The following SDK1 variants were observed in gnomAD, a reference collection of about 807,000 sequenced individuals.
SDK1 encodes the protein protein sidekick-1.
A neutral mutation model predicts 245.5 loss-of-function variants in SDK1; 157 were observed. The observed-to-expected ratio is 0.64, with a 90% CI of 0.56 to 0.73. SDK1 has a LOEUF of 0.73. SDK1 is among the 30% of genes least tolerant of loss of function. The pLI is 0.00. For synonymous variants in SDK1, 1,647 were observed against 1,278.5 expected (o/e 1.29, Z -6.15); for missense variants, 3,583 against 3,002.3 (o/e 1.19, Z -4.52).
chr7:3,443,014 G>A (rs1353321687), intron 1 of SDK1, among the ~76,000 whole-genome samples: 4 of 150,882 alleles, frequency 2.7e-5, no homozygotes, highest in Non-Finnish European at 4.4e-5. Context: ...TACTTATAAA[G>A]CAACACAATA....
chr7:3,556,805 T>C (rs1206038740), intron 1 of SDK1, among the ~76,000 whole-genome samples: 4 of 151,848 alleles, frequency 2.6e-5, no homozygotes, highest in Admixed American at 6.6e-5. Flanking sequence ...AATAAATAAA[T>C]AAAAATAAAA....
At chr7:3,698,785 T>C (rs919947552) in intron 4 of SDK1, among the ~76,000 whole-genome samples, 1 of 152,210 alleles carries the variant, frequency 6.6e-6, no homozygotes, top group Non-Finnish European at 1.5e-5. Flanking sequence ...TCTCTTCTTA[T>C]AAGGGAACCA....
chr7:4,047,583 C>CTG (rs1457010703), intron 17 of SDK1, among the ~76,000 whole-genome samples: 1 of 152,228 alleles, frequency 6.6e-6, no homozygotes, highest in African/African-American at 2.4e-5. Context: ...CCTCTGGATG[C>CTG]TGTGTGTCTG....
At chr7:3,568,411 G>A (rs532370970) in intron 1 of SDK1, among the ~76,000 whole-genome samples, 2 of 151,856 alleles carry the variant, frequency 1.3e-5, no homozygotes, top group African/African-American at 4.8e-5. Context: ...TTATATTGTG[G>A]TATATGTATA....
chr7:3,520,141 T>C (rs1782886503), intron 1 of SDK1, among the ~76,000 whole-genome samples: 1 of 152,210 alleles, frequency 6.6e-6, no homozygotes, highest in African/African-American at 2.4e-5. Flanking sequence ...TACCAGAATC[T>C]TCTCTGGAGC....
chr7:3,405,938 G>C (rs1053431294), intron 1 of SDK1, among the ~76,000 whole-genome samples: 5 of 150,616 alleles, frequency 3.3e-5, no homozygotes, highest in African/African-American at 1.2e-4. Context: ...TCAGCCTCCT[G>C]AGTAGGTGGG....
chr7:4,063,850 G>T (rs949648998), intron 19 of SDK1, among the ~76,000 whole-genome samples: 2 of 151,966 alleles, frequency 1.3e-5, no homozygotes, highest in Non-Finnish European at 2.9e-5. Flanking sequence ...TTCGATAAAG[G>T]TGGCAGGATA....
chr7:3,362,154 T>C (rs957692011), intron 1 of SDK1, among the ~76,000 whole-genome samples: 1 of 152,208 alleles, frequency 6.6e-6, no homozygotes, highest in Non-Finnish European at 1.5e-5. Context: ...TAACTCTTAC[T>C]GTAGAATCTA....
chr7:3,654,113 T>C (rs1783087621), intron 4 of SDK1, among the ~76,000 whole-genome samples: 2 of 152,162 alleles, frequency 1.3e-5, no homozygotes, highest in Admixed American at 1.3e-4. Context: ...GACCCTGGTG[T>C]AGAGAATATG....
At chr7:3,546,936 G>C (rs2128622003) in intron 1 of SDK1, among the ~76,000 whole-genome samples, 1 of 152,272 alleles carries the variant, frequency 6.6e-6, no homozygotes, top group African/African-American at 2.4e-5. Context: ...GTATCAGAAA[G>C]ATCTATGAAG....
chr7:4,068,071 C>A, intron 20 of SDK1, 135 bp downstream of exon 20: 2 of 647,622 alleles, frequency 3.1e-6, no homozygotes, highest in Non-Finnish European at 2.7e-6. Flanking sequence ...GAAAAGTCTT[C>A]CTGGCCGTGT....
At chr7:3,816,977 T>G (rs1183950288) in intron 4 of SDK1, among the ~76,000 whole-genome samples, 1 of 152,190 alleles carries the variant, frequency 6.6e-6, no homozygotes, top group Non-Finnish European at 1.5e-5. Context: ...TTCGTAGTGG[T>G]AAAACTATAG....
intron 14 of SDK1, among the ~76,000 whole-genome samples, chr7:4,003,815 C>T (rs909128627): frequency 6.6e-6 from 1 of 152,218 alleles, no homozygotes; most frequent in African/African-American, 2.4e-5. Flanking sequence ...TCTAGAGAGA[C>T]AGTCTGTTGT....
intron 5 of SDK1, among the ~76,000 whole-genome samples, chr7:3,922,884 T>C (rs1583569257): frequency 6.6e-6 from 1 of 152,242 alleles, no homozygotes; most frequent in African/African-American, 2.4e-5. Context: ...GAATTCCTAC[T>C]GTGCTTATAT....
chr7:3,918,405 C>A (rs1358931155), intron 5 of SDK1, among the ~76,000 whole-genome samples: 1 of 152,156 alleles, frequency 6.6e-6, no homozygotes, highest in Non-Finnish European at 1.5e-5. Context: ...ATAGCACGAA[C>A]CCTATTGTGA....
intron 32 of SDK1, among the ~76,000 whole-genome samples, chr7:4,167,950 C>T (rs934202355): frequency 6.6e-5 from 10 of 152,348 alleles, no homozygotes; most frequent in Non-Finnish European, 1.3e-4. Flanking sequence ...CTCATGGGTT[C>T]CATGGAGCCG....
At chr7:4,021,705 T>C (rs930556328) in intron 17 of SDK1, among the ~76,000 whole-genome samples, 6 of 152,138 alleles carry the variant, frequency 3.9e-5, no homozygotes, top group African/African-American at 1.2e-4. Context: ...TAAGGAACTT[T>C]CTTAGAAGTT....
intron 1 of SDK1, among the ~76,000 whole-genome samples, chr7:3,333,391 T>G (rs1200404277): frequency 6.6e-6 from 1 of 152,198 alleles, no homozygotes; most frequent in Non-Finnish European, 1.5e-5. Flanking sequence ...TTTCATAACC[T>G]TATGTTGCCA....
chr7:3,655,446 CAAATATATATATATATATAT>C (rs1783135043), intron 4 of SDK1, among the ~76,000 whole-genome samples: 1 of 66,182 alleles, frequency 1.5e-5, no homozygotes, highest in African/African-American at 7.3e-5. Flanking sequence ...CAAAACAAAA[CAAATATATATATATATATAT>C]ATATATATAT....
Sources: allele counts gnomAD v4.1 joint callset (sites outside exome capture counted in the v4.1 genomes callset), GRCh38; gene constraint gnomAD v4.1.1; transcripts MANE v1.5; gene names NCBI Gene and HGNC (gene_info 2026-07-23, HGNC 2026-07-21).